The following CACNA1C variants were observed in gnomAD, a reference collection of about 807,000 sequenced individuals.
The protein encoded by CACNA1C is voltage-dependent L-type calcium channel subunit alpha-1C.
CACNA1C carries 30 observed loss-of-function variants against 229.0 expected under a neutral mutation model. The observed-to-expected ratio is 0.13, with a 90% CI of 0.10 to 0.18. The LOEUF is 0.18. Ranked by LOEUF, CACNA1C falls within the 10% of genes least tolerant of loss-of-function variation. The pLI is 1.00. For synonymous variants in CACNA1C, 1,114 were observed against 1,132.5 expected, an observed-to-expected ratio of 0.98 and a Z score of 0.33; for missense variants, 1,658 against 2,845.0, an observed-to-expected ratio of 0.58 and a Z score of 9.49.
At chr12:2,364,840 C>T (rs188048649) in intron 3 of CACNA1C, among the ~76,000 whole-genome samples, 1 of 152,136 alleles carries the variant, frequency 6.6e-6, no homozygotes, top group South Asian at 2.1e-4. Context: ...AAGAAGAGAA[C>T]GATCTTGTGA....
chr12:2,490,491 G>A (rs767519933), intron 6 of CACNA1C, among the ~76,000 whole-genome samples: 8 of 152,156 alleles, frequency 5.3e-5, no homozygotes, highest in East Asian at 1.9e-4. Context: ...TCTTTGTCCC[G>A]TCTCTGCTGT....
At chr12:2,392,539 T>C (rs2098502805) in intron 3 of CACNA1C, among the ~76,000 whole-genome samples, 1 of 152,156 alleles carries the variant, frequency 6.6e-6, no homozygotes, top group Non-Finnish European at 1.5e-5. Context: ...TGAGAAACCG[T>C]TGTGTCTGGG....
At chr12:2,202,238 C>G (rs2097597882) in intron 3 of CACNA1C, among the ~76,000 whole-genome samples, 1 of 152,208 alleles carries the variant, frequency 6.6e-6, no homozygotes, top group Admixed American at 6.5e-5. Context: ...CACAGGGACA[C>G]TGAGCCCAGG....
At chr12:1,997,069 T>C (rs1173232024) in intron 1 of CACNA1C, among the ~76,000 whole-genome samples, 1 of 152,136 alleles carries the variant, frequency 6.6e-6, no homozygotes, top group Non-Finnish European at 1.5e-5. Flanking sequence ...AATGTATGTC[T>C]CTATATGCAC....
rs1436147256 is a variant in CACNA1C, at chr12:2,532,543, G to A, written c.1391-17400G>A. 2.0e-5 allele frequency among the ~76,000 whole-genome samples: 3 copies of A among 152,288 alleles called. No homozygotes were observed. In the East Asian group the frequency reaches 5.8e-4, roughly 29 times the overall value. ...CTCTTGTAATGTAAGCAGCAAAAGC[G>A]ATAGAGCAGCTTGAAGCTGCCCAGG... On this transcript the variant is annotated intron_variant, in intron 9 of 46. Coordinates refer to ENST00000399655, the MANE Select transcript of CACNA1C (RefSeq NM_000719.7).
rs75545572 is a variant in CACNA1C at position 2,511,170 on chromosome 12, A to T, written c.1218-1642A>T. 1.8e-3 allele frequency among the ~76,000 whole-genome samples: 270 copies of T among 152,362 alleles called. 1 individual carries two copies. Among genetic ancestry groups the T allele is most frequent in the Non-Finnish European group, 3.5e-3 (238 of 68,030 alleles). On this transcript the variant is annotated intron_variant, in intron 8 of 46. Coordinates refer to ENST00000399655, the MANE Select transcript of CACNA1C (RefSeq NM_000719.7). ...AAAATTCAATCCAAACCAGAGCATC[A>T]TTAAGGCAGCAGTTGAAGAGAACTG...
chr12:2,378,752 C>T (rs1020381663), intron 3 of CACNA1C, among the ~76,000 whole-genome samples: 3 of 151,534 alleles, frequency 2.0e-5, no homozygotes, highest in African/African-American at 7.3e-5. Flanking sequence ...GCTTGGTTGT[C>T]CTTGTTCTTT....
At chr12:2,068,156 A>C (rs2060057437) in intron 1 of CACNA1C, among the ~76,000 whole-genome samples, 1 of 152,208 alleles carries the variant, frequency 6.6e-6, no homozygotes, top group South Asian at 2.1e-4. Context: ...TGAATGTTTC[A>C]TGAAAGGATG....
At chr12:2,442,340 A>G (rs982086739) in intron 3 of CACNA1C, among the ~76,000 whole-genome samples, 2 of 151,584 alleles carry the variant, frequency 1.3e-5, no homozygotes, top group African/African-American at 4.9e-5. Context: ...TTCAGACATG[A>G]GTGTGGCCAT....
chr12:2,238,307 G>A (rs2068318519), intron 3 of CACNA1C, among the ~76,000 whole-genome samples: 1 of 152,186 alleles, frequency 6.6e-6, no homozygotes, highest in Non-Finnish European at 1.5e-5. Flanking sequence ...AACGGTGCTG[G>A]ACCATATATA....
chr12:2,234,107 T>G (rs2066389879), intron 3 of CACNA1C, among the ~76,000 whole-genome samples: 1 of 152,160 alleles, frequency 6.6e-6, no homozygotes, highest in Non-Finnish European at 1.5e-5. Context: ...CCCAGAAAGG[T>G]GTCTCCAGCA....
At chr12:2,424,531 GA>G (rs1182056908) in intron 3 of CACNA1C, among the ~76,000 whole-genome samples, 47 of 152,186 alleles carry the variant, frequency 3.1e-4, no homozygotes, top group African/African-American at 1.1e-3. Context: ...CAGGGAGATG[GA>G]GAGCATTAGG....
At position 2,581,734 on chromosome 12, in the gene CACNA1C, T is replaced by A; in HGVS notation, c.2040T>A (p.Asp680Glu). The change falls in exon 14 of 47, where the codon GAT (aspartate) becomes GAA (glutamate). Residue 680 changes from aspartate (D) to glutamate (E), a missense_variant. This residue lies in a region of CACNA1C where 30 missense variants were observed against 73.2 expected (regional missense o/e 0.41). Coordinates refer to ENST00000399655, the MANE Select transcript of CACNA1C (RefSeq NM_000719.7). ...TCTTTGGAGGAAAGTTCAACTTTGA[T>A]GAGATGCAGACCCGGAGGAGCACAT... Reference protein sequence around the residue: ...MQLFGGKFNFDEMQTRRSTFD... With the variant: ...MQLFGGKFNFEEMQTRRSTFD... 6.2e-7 allele frequency: 1 copy of A among 1,612,716 alleles called. No individual in the cohort carries two copies. The highest frequency in any genetic ancestry group is 8.5e-7 in the Non-Finnish European group (1 of 1,178,928).
Position 2,585,809 on chromosome 12 carries a change from C to G in CACNA1C, c.2461-26C>G, listed in dbSNP as rs1210662718. 1 of 1,552,480 alleles carries G rather than the reference C, an allele frequency of 6.4e-7. No individual in the cohort carries two copies. Among genetic ancestry groups the G allele is most frequent in the South Asian group, 1.1e-5 (1 of 87,178 alleles). On this transcript the variant is annotated intron_variant, in intron 17 of 46. Coordinates refer to ENST00000399655, the MANE Select transcript of CACNA1C (RefSeq NM_000719.7). This position sits in a 1 kb window ranked among gnomAD's most constrained non-coding sequence, Gnocchi z 4.1. ...CTTGGGGACGTATCTAACTATTCTT[C>G]CCCCTTCTCCCCTGTGACTGTCTAG...
At chr12:2,625,302 T>C (rs953117706) in intron 29 of CACNA1C, among the ~76,000 whole-genome samples, 2 of 152,070 alleles carry the variant, frequency 1.3e-5, no homozygotes, top group African/African-American at 4.8e-5. Context: ...TCACACGGTG[T>C]AAAAAAGCCC....
Position 2,646,799 on chromosome 12 carries a change from TGC to T in CACNA1C, c.3913-1672_3913-1671del, listed in dbSNP as rs1491205508. Among the ~76,000 whole-genome samples the T allele has an allele frequency of 1.9e-3, 286 of 151,976 alleles. No homozygotes were observed. Among genetic ancestry groups the T allele is most frequent in the African/African-American group, 4.8e-3 (197 of 41,466 alleles). On this transcript the variant is annotated intron_variant, in intron 30 of 46. Transcript: ENST00000399655. The surrounding 1 kb of genome is among the most constrained non-coding windows in gnomAD (Gnocchi z 4.6). Reference sequence around the variant, plus strand: ...GAGAGAGAGAGAGAGAGTGTGTGTGTGCGCGTGTGTGTGTCTGCCTATGTTTG... The same window carrying T: ...GAGAGAGAGAGAGAGAGTGTGTGTGTGCGTGTGTGTGTCTGCCTATGTTTG...
intron 1 of CACNA1C, chr12:1,993,052 A>T: frequency 1.4e-6 from 1 of 705,164 alleles, no homozygotes; most frequent in Non-Finnish European, 2.5e-6. Context: ...TTAGGTTTAT[A>T]TCATCATATT....
intron 3 of CACNA1C, among the ~76,000 whole-genome samples, chr12:2,159,137 G>A (rs181422984): frequency 6.6e-6 from 1 of 152,272 alleles, no homozygotes; most frequent in Non-Finnish European, 1.5e-5. Context: ...GGGGAGGGGG[G>A]TAAGAAGAGA....
At chr12:2,529,932 A>G (rs1488717476) in intron 9 of CACNA1C, among the ~76,000 whole-genome samples, 2 of 152,260 alleles carry the variant, frequency 1.3e-5, no homozygotes, top group Non-Finnish European at 2.9e-5. Flanking sequence ...AGAAAGCTGA[A>G]TACATTTAAG....
Sources: allele counts gnomAD v4.1 joint callset (sites outside exome capture counted in the v4.1 genomes callset), GRCh38; gene constraint gnomAD v4.1.1; regional missense constraint gnomAD v4.1.1; non-coding constraint Gnocchi (gnomAD v3.1); transcripts MANE v1.5; gene names NCBI Gene and HGNC (gene_info 2026-07-23, HGNC 2026-07-21).